Variants in RALGAPB observed in about 807,000 individuals in gnomAD.
RALGAPB encodes ral GTPase-activating protein subunit beta.
A neutral mutation model predicts 161.1 loss-of-function variants in RALGAPB; 25 were observed. The observed-to-expected ratio is 0.16, with a 90% CI of 0.11 to 0.22. The LOEUF (loss-of-function observed/expected upper bound fraction) is 0.22. Among genes scored for constraint, RALGAPB ranks in the 10% least tolerant of loss-of-function variants. The probability of loss-of-function intolerance (pLI) is 1.00; values close to 1 mark genes in which losing one functional copy is unlikely to be tolerated. For missense variants in RALGAPB, 1,391 were observed against 1,815.2 expected (o/e 0.77, Z 4.25); for synonymous variants, 629 against 626.1 (o/e 1.00, Z -0.07).
At chr20:38,492,860 T>A in intron 2 of RALGAPB, 70 bp from the exon 3 acceptor site, 2 of 1,287,836 alleles carry the variant, frequency 1.6e-6, no homozygotes, top group Non-Finnish European at 2.2e-6. Context: ...TAAAAGAGAT[T>A]GACATTTTAA....
chr20:38,487,238 T>G (rs1237288931), intron 1 of RALGAPB, among the ~76,000 whole-genome samples: 1 of 152,176 alleles, frequency 6.6e-6, no homozygotes, highest in Non-Finnish European at 1.5e-5. Flanking sequence ...TTGTGGCCAT[T>G]GCTTGGGATG....
chr20:38,511,824 C>A (rs533590010), intron 6 of RALGAPB, among the ~76,000 whole-genome samples: 2 of 152,294 alleles, frequency 1.3e-5, no homozygotes, highest in South Asian at 2.1e-4. Context: ...CATCATGGCC[C>A]GTTCTCAATG....
At chr20:38,479,855 A>G (rs181385328) in intron 1 of RALGAPB, among the ~76,000 whole-genome samples, 1 of 152,300 alleles carries the variant, frequency 6.6e-6, no homozygotes, top group African/African-American at 2.4e-5. Flanking sequence ...ACCTTAGCCT[A>G]TATGGTAGCC....
intron 21 of RALGAPB, among the ~76,000 whole-genome samples, chr20:38,552,732 A>G (rs2087421700): frequency 6.6e-6 from 1 of 152,202 alleles, no homozygotes; most frequent in Non-Finnish European, 1.5e-5. Context: ...TGGCAGTGTA[A>G]TAGGGGATCC....
chr20:38,567,130 T>C lies in RALGAPB; in HGVS notation c.3852T>C (p.Asp1284=), dbSNP rs117581089. The C allele has an allele frequency of 1.1e-3, 1,707 of 1,613,608 alleles. 18 individuals carry two copies. In the East Asian group the frequency reaches 0.019, roughly 18 times the overall value. ...TGGAAAGTAACATCTCGGACCAAGA[T>C]AGTGATTCAAATATGGATCTTATGC... ...DSLESNISDQ[D]SDSNMDLMPG... Residue 1284 remains aspartate (D), a synonymous_variant, in exon 26 of 30, where the codon GAT becomes GAC. Transcript: ENST00000262879.
intron 21 of RALGAPB, 74 bp from the exon 22 acceptor site, chr20:38,553,793 A>C (rs1056431925): frequency 3.6e-5 from 31 of 864,440 alleles, no homozygotes; most frequent in Non-Finnish European, 3.4e-5. Context: ...AAAAAAAAAA[A>C]AAAAAAAACA....
chr20:38,488,540 T>C lies in RALGAPB; in HGVS notation c.108T>C (p.Ala36=), dbSNP rs2085183778. Residue 36 remains alanine (A), a synonymous_variant, in exon 2 of 30, where the codon GCT becomes GCC. Transcript: ENST00000262879. ...GCGTTGGACGAGAGGTGGCAAATGCTGTAGTCCGTCCTCTTGGGCAGGTGT... is the reference window on the plus strand; with the variant it reads ...GCGTTGGACGAGAGGTGGCAAATGCCGTAGTCCGTCCTCTTGGGCAGGTGT... The part of the protein sequence containing the change: ...PESVGREVAN[A]VVRPLGQVLG... 6.2e-7 allele frequency: 1 copy of C among 1,614,102 alleles called. No homozygotes were observed. The highest frequency in any genetic ancestry group is 8.5e-7 in the Non-Finnish European group (1 of 1,180,052).
intron 2 of RALGAPB, 44 bp from the exon 3 acceptor site, chr20:38,492,886 T>C: frequency 6.8e-7 from 1 of 1,479,196 alleles, no homozygotes. Context: ...TCTACTGAGA[T>C]AGGAACGTGT....
At chr20:38,495,698 C>A (rs2085409538) in intron 3 of RALGAPB, among the ~76,000 whole-genome samples, 1 of 152,052 alleles carries the variant, frequency 6.6e-6, no homozygotes, top group South Asian at 2.1e-4. Context: ...TAAAAAGTAA[C>A]TTGATATTTT....
intron 1 of RALGAPB, among the ~76,000 whole-genome samples, chr20:38,488,143 G>A (rs927429713): frequency 6.6e-6 from 1 of 152,162 alleles, no homozygotes; most frequent in African/African-American, 2.4e-5. Flanking sequence ...CAGAAACATT[G>A]CTTGCCTTTA....
intron 25 of RALGAPB, among the ~76,000 whole-genome samples, chr20:38,566,480 A>G (rs575822741): frequency 2.0e-5 from 3 of 152,252 alleles, no homozygotes; most frequent in African/African-American, 7.2e-5. Context: ...AGCTCCTGCA[A>G]TTGGGTCTTT....
At chr20:38,525,123 C>A (rs563611774) in intron 11 of RALGAPB, among the ~76,000 whole-genome samples, 178 bp downstream of exon 11, 2 of 152,258 alleles carry the variant, frequency 1.3e-5, no homozygotes, top group South Asian at 2.1e-4. Context: ...TCCTTCAGTT[C>A]TCATTTGTCT....
chr20:38,533,354 T>G (rs909570228), intron 15 of RALGAPB, among the ~76,000 whole-genome samples: 6 of 152,202 alleles, frequency 3.9e-5, no homozygotes, highest in African/African-American at 1.4e-4. Flanking sequence ...TTTTCTGCCC[T>G]GCCAAGTAAA....
At chr20:38,489,766 G>C (rs2085221887) in intron 2 of RALGAPB, among the ~76,000 whole-genome samples, 1 of 152,090 alleles carries the variant, frequency 6.6e-6, no homozygotes, top group African/African-American at 2.4e-5. Context: ...TCAGCCATGG[G>C]TCTCTGAAGA....
intron 6 of RALGAPB, among the ~76,000 whole-genome samples, chr20:38,511,435 AT>A (rs1263051782): frequency 6.6e-6 from 1 of 151,806 alleles, no homozygotes; most frequent in African/African-American, 2.4e-5. Flanking sequence ...GCAGATAAAC[AT>A]GTGAACAAAG....
chr20:38,479,260 A>G (rs981111753), intron 1 of RALGAPB, among the ~76,000 whole-genome samples: 1 of 152,200 alleles, frequency 6.6e-6, no homozygotes, highest in Non-Finnish European at 1.5e-5. Flanking sequence ...ATGTTTGTTT[A>G]ATGAAATAAC....
chr20:38,525,418 T>C lies in RALGAPB; in HGVS notation c.1802T>C (p.Phe601Ser). The C allele has an allele frequency of 4.4e-6, 7 of 1,592,322 alleles. No homozygotes were observed. The highest frequency in any genetic ancestry group is 6.0e-6 in the Non-Finnish European group (7 of 1,172,760). ...TTTTTTGGCAGAGAACTCTCAAAAT[T>C]CAAAAGCTATGTAAATCCAACAGAA... Reference protein sequence around the residue: ...TILPDRELSKFKSYVNPTELR... With the variant: ...TILPDRELSKSKSYVNPTELR... The change falls in exon 12 of 30, where the codon TTC becomes TCC. Residue 601 changes from phenylalanine (F) to serine (S), a missense_variant. Phe to Ser is a radical substitution (Grantham distance 155, BLOSUM62 -2). Transcript: ENST00000262879.
chr20:38,530,392 C>T (rs1010765075), intron 13 of RALGAPB, among the ~76,000 whole-genome samples: 8 of 152,032 alleles, frequency 5.3e-5, no homozygotes, highest in Non-Finnish European at 1.0e-4. Flanking sequence ...TGTTTGTGTA[C>T]GTAAGTTTTT....
Position 38,541,285 on chromosome 20 carries a change from TTGCGTGATGCAGC to T in RALGAPB, c.2714+94_2714+106del, listed in dbSNP as rs2086955905. On this transcript the variant is annotated intron_variant, in intron 18 of 29. Coordinates refer to ENST00000262879, the MANE Select transcript of RALGAPB (RefSeq NM_020336.4). ...TCATTTCCTTCCTGATTGTTCAGCA[TTGCGTGATGCAGC>T]CCCTTTAGAATATACTTTTTCTCCA... 4 of 1,245,284 alleles carry T rather than the reference TTGCGTGATGCAGC, an allele frequency of 3.2e-6. No individual in the cohort carries two copies. The Admixed American group carries it at 6.7e-5, about 21-fold the overall frequency. The allele number at this position is 1,245,284 out of a possible 1,614,324, so 77.1% of individuals were successfully genotyped here. A position where few individuals can be genotyped will look rare whatever the true frequency, so the allele number is the denominator to read the frequency against.
Sources: gnomAD v4.1 joint callset for allele counts (sites outside exome capture counted in the v4.1 genomes callset) on GRCh38, gnomAD v4.1.1 for gene constraint, MANE v1.5 for transcripts, NCBI Gene and HGNC (gene_info 2026-07-23, HGNC 2026-07-21) for gene names.